RTL4: variants seen among roughly 807,000 people sequenced by gnomAD.
The protein encoded by RTL4 is retrotransposon Gag-like protein 4.
A neutral mutation model predicts 5.3 loss-of-function variants in RTL4; 4 were observed. That is an observed-to-expected ratio of 0.75 (90% CI 0.37 to 1.72). RTL4 has a LOEUF of 1.72. Ranked by LOEUF, RTL4 falls within the 40% of genes most tolerant of loss-of-function variation. RTL4 has a pLI of 0.04. For missense variants in RTL4, 260 were observed against 227.1 expected (o/e 1.14, Z -0.93); for synonymous variants, 98 against 87.3 (o/e 1.12, Z -0.68).
chrX:112,403,444 C>G, the RTL4 span, among the ~76,000 whole-genome samples: 1 of 111,926 alleles, frequency 8.9e-6, no homozygotes, highest in South Asian at 3.7e-4. Flanking sequence ...AAAGCTTTGT[C>G]TAGTGGAATG....
the RTL4 span, among the ~76,000 whole-genome samples, chrX:112,106,341 T>C: frequency 1.8e-5 from 2 of 112,086 alleles, no homozygotes; most frequent in Non-Finnish European, 3.8e-5. Context: ...ATCAGGGTAA[T>C]GCTGGCCTCA....
chrX:112,203,624 T>A, the RTL4 span, among the ~76,000 whole-genome samples: 1 of 111,329 alleles, frequency 9.0e-6, no homozygotes, highest in Non-Finnish European at 1.9e-5. Context: ...GTCCCTCCAC[T>A]GATACAACTC....
chrX:112,441,421 A>G, the RTL4 span, among the ~76,000 whole-genome samples: 1 of 111,872 alleles, frequency 8.9e-6, no homozygotes, highest in Non-Finnish European at 1.9e-5. Flanking sequence ...TTTTCAAAAG[A>G]CAGCGGGATA....
the RTL4 span, among the ~76,000 whole-genome samples, chrX:112,106,705 C>T: frequency 9.0e-6 from 1 of 111,289 alleles, no homozygotes; most frequent in Admixed American, 9.5e-5. Flanking sequence ...TGCTAATAGC[C>T]CTCTAACTGC....
At chrX:112,098,456 A>G in the RTL4 span, among the ~76,000 whole-genome samples, 4 of 111,500 alleles carry the variant, frequency 3.6e-5, no homozygotes, top group Non-Finnish European at 7.5e-5. Context: ...ATGATTTATA[A>G]TCCTTTGGGT....
At chrX:112,144,824 C>T in the RTL4 span, among the ~76,000 whole-genome samples, 1 of 111,359 alleles carries the variant, frequency 9.0e-6, no homozygotes, top group Non-Finnish European at 1.9e-5. Flanking sequence ...GTGAAAAACC[C>T]CTGCAGCCAT....
chrX:112,180,910 C>T, the RTL4 span, among the ~76,000 whole-genome samples: 5 of 112,182 alleles, frequency 4.5e-5, no homozygotes, highest in Non-Finnish European at 9.4e-5. Context: ...ATCGGGACAG[C>T]TCCAGTCTGC....
chrX:112,447,307 G>T, the RTL4 span, among the ~76,000 whole-genome samples: 98 of 111,824 alleles, frequency 8.8e-4, 2 homozygotes, highest in African/African-American at 3.1e-3. Context: ...TTCTATTGTT[G>T]ATATCTGCTG....
the RTL4 span, among the ~76,000 whole-genome samples, chrX:112,180,132 A>C: frequency 9.0e-5 from 10 of 111,303 alleles, no homozygotes; most frequent in East Asian, 1.4e-3. Context: ...TGTATGACAC[A>C]GCCCCTCTTC....
At chrX:112,114,315 C>A in the RTL4 span, among the ~76,000 whole-genome samples, 2 of 111,636 alleles carry the variant, frequency 1.8e-5, no homozygotes, top group African/African-American at 6.5e-5. Flanking sequence ...GCTTGCTGAC[C>A]AGTAGGGAAT....
chrX:112,422,051 A>T, the RTL4 span, among the ~76,000 whole-genome samples: 1 of 112,322 alleles, frequency 8.9e-6, no homozygotes, highest in Non-Finnish European at 1.9e-5. Context: ...TTTGGTAATA[A>T]TATTTTAATA....
the RTL4 span, among the ~76,000 whole-genome samples, chrX:112,303,396 G>T: frequency 9.2e-6 from 1 of 109,166 alleles, no homozygotes; most frequent in Admixed American, 9.9e-5. Flanking sequence ...TGGAGTTTTT[G>T]GATGGCTTAG....
chrX:112,185,376 A>AATAT, the RTL4 span, among the ~76,000 whole-genome samples: 12,930 of 85,050 alleles, frequency 0.15, 899 homozygotes, highest in Admixed American at 0.18. Flanking sequence ...CTATTTTATT[A>AATAT]ATATATATAT....
At chrX:112,387,759 A>G in the RTL4 span, among the ~76,000 whole-genome samples, 5 of 111,542 alleles carry the variant, frequency 4.5e-5, no homozygotes, top group Admixed American at 1.9e-4. Context: ...TGGGCTGTCT[A>G]TTCTCTTCCA....
At chrX:112,146,928 T>C in the RTL4 span, among the ~76,000 whole-genome samples, 81 of 103,975 alleles carry the variant, frequency 7.8e-4, no homozygotes, top group Non-Finnish European at 7.2e-4. Flanking sequence ...ATATCTAGTA[T>C]GTTTCAGGCA....
At chrX:112,403,230 A>C in the RTL4 span, among the ~76,000 whole-genome samples, 1 of 111,527 alleles carries the variant, frequency 9.0e-6, no homozygotes, top group East Asian at 2.8e-4. Context: ...TGCCCCACCA[A>C]ATTGGCTTTA....
At chrX:112,161,259 T>C in the RTL4 span, among the ~76,000 whole-genome samples, 2 of 111,986 alleles carry the variant, frequency 1.8e-5, no homozygotes, top group East Asian at 5.6e-4. Flanking sequence ...GCTGTTCTTA[T>C]AGGTGCCTAT....
At chrX:112,155,998 C>A in the RTL4 span, among the ~76,000 whole-genome samples, 2 of 112,016 alleles carry the variant, frequency 1.8e-5, no homozygotes, top group Non-Finnish European at 3.8e-5. Context: ...AGCAGCTCAG[C>A]GTCAAATTGT....
the RTL4 span, among the ~76,000 whole-genome samples, chrX:112,365,503 C>CGTCT: frequency 9.0e-6 from 1 of 111,320 alleles, no homozygotes; most frequent in Non-Finnish European, 1.9e-5. Context: ...GGGTCATAGA[C>CGTCT]ACAGGCTTTC....
Sources: gnomAD v4.1 joint callset for allele counts (sites outside exome capture counted in the v4.1 genomes callset) on GRCh38, gnomAD v4.1.1 for gene constraint, MANE v1.5 for transcripts, NCBI Gene and HGNC (gene_info 2026-07-23, HGNC 2026-07-21) for gene names.